Variants in CRACD observed in about 807,000 individuals in gnomAD.
The protein encoded by CRACD is capping protein-inhibiting regulator of actin dynamics.
A neutral mutation model predicts 106.8 loss-of-function variants in CRACD; 56 were observed. The ratio of observed to expected loss-of-function variants is 0.52; its 90% CI spans 0.42 to 0.66. The LOEUF (loss-of-function observed/expected upper bound fraction) is 0.66, where lower values mean the gene tolerates loss of function less well. Among genes scored for constraint, CRACD ranks in the 30% least tolerant of loss-of-function variants. The pLI is 0.00. For missense variants in CRACD, 1,730 were observed against 1,623.2 expected (o/e 1.07, Z -1.13); for synonymous variants, 754 against 670.8 (o/e 1.12, Z -1.92).
At chr4:56,300,668 T>G (rs538609331) in intron 4 of CRACD, among the ~76,000 whole-genome samples, 1 of 152,336 alleles carries the variant, frequency 6.6e-6, no homozygotes, top group Admixed American at 6.5e-5. Context: ...AAAACAGCTG[T>G]ATTTTATGAG....
At chr4:56,173,594 T>A (rs533888253) in intron 1 of CRACD, among the ~76,000 whole-genome samples, 9 of 152,214 alleles carry the variant, frequency 5.9e-5, no homozygotes, top group Non-Finnish European at 1.2e-4. Context: ...GAAAACCAGA[T>A]TTCAGACTTG....
intron 1 of CRACD, among the ~76,000 whole-genome samples, chr4:56,054,967 T>G (rs1482496653): frequency 6.6e-6 from 1 of 152,230 alleles, no homozygotes; most frequent in African/African-American, 2.4e-5. Context: ...CTTTTGAAAC[T>G]GGTACTGTAT....
chr4:56,311,409 G>A (rs1370742320), intron 6 of CRACD: 1 of 152,212 alleles, frequency 6.6e-6, no homozygotes, highest in Non-Finnish European at 1.5e-5. Context: ...AGCCAGCTGG[G>A]ATAGCTAGAA....
chr4:56,063,592 G>C (rs1273979361), intron 1 of CRACD, among the ~76,000 whole-genome samples: 1 of 152,038 alleles, frequency 6.6e-6, no homozygotes, highest in Non-Finnish European at 1.5e-5. Context: ...TTCAGTCTCT[G>C]TGAATTTGCC....
At chr4:56,060,392 CAG>C (rs1279125617) in intron 1 of CRACD, among the ~76,000 whole-genome samples, 5 of 151,914 alleles carry the variant, frequency 3.3e-5, no homozygotes, top group Non-Finnish European at 5.9e-5. Flanking sequence ...ATACTCGTAA[CAG>C]GGTAGAATAA....
intron 4 of CRACD, among the ~76,000 whole-genome samples, chr4:56,299,779 G>A (rs1285369381): frequency 4.6e-5 from 7 of 151,772 alleles, no homozygotes; most frequent in African/African-American, 1.7e-4. Context: ...AGAGGGCTCT[G>A]GTCTGCTGGC....
chr4:56,201,446 C>T (rs1196849764), intron 2 of CRACD, among the ~76,000 whole-genome samples: 2 of 152,134 alleles, frequency 1.3e-5, no homozygotes, highest in African/African-American at 4.8e-5. Flanking sequence ...TGATGCTCTT[C>T]CCTTAAACTG....
intron 2 of CRACD, among the ~76,000 whole-genome samples, chr4:56,203,992 G>T (rs1440697152): frequency 6.6e-6 from 1 of 152,244 alleles, no homozygotes; most frequent in African/African-American, 2.4e-5. Flanking sequence ...CTGGGCCCAT[G>T]ACTTGAAGCC....
At chr4:56,218,037 G>A (rs1293300079) in intron 2 of CRACD, among the ~76,000 whole-genome samples, 6 of 152,004 alleles carry the variant, frequency 3.9e-5, no homozygotes, top group South Asian at 4.1e-4. Context: ...GTGTCTTTAC[G>A]TTGTCTTTCT....
chr4:56,093,402 GCTT>G (rs1733493564), intron 1 of CRACD, among the ~76,000 whole-genome samples: 1 of 152,098 alleles, frequency 6.6e-6, no homozygotes, highest in African/African-American at 2.4e-5. Context: ...TTGCATTTTT[GCTT>G]CTTTTCTCTT....
At chr4:56,244,436 C>T (rs1312797683) in intron 2 of CRACD, among the ~76,000 whole-genome samples, 1 of 152,134 alleles carries the variant, frequency 6.6e-6, no homozygotes, top group African/African-American at 2.4e-5. Flanking sequence ...CAGTTTTAGA[C>T]ATACGGAGGT....
intron 1 of CRACD, among the ~76,000 whole-genome samples, chr4:56,153,592 A>AT (rs34193804): frequency 0.42 from 63,981 of 151,910 alleles, 13,934 homozygotes; most frequent in African/African-American, 0.52. Context: ...GTGTCCATGC[A>AT]CTTTTATCCA....
intron 3 of CRACD, among the ~76,000 whole-genome samples, chr4:56,296,234 A>T (rs2109715245): frequency 6.6e-6 from 1 of 152,162 alleles, no homozygotes. Flanking sequence ...TTCAATTTGG[A>T]TGTCTTTATA....
At chr4:56,105,525 C>G (rs563547755) in intron 1 of CRACD, among the ~76,000 whole-genome samples, 1 of 152,064 alleles carries the variant, frequency 6.6e-6, no homozygotes. Flanking sequence ...AATTTAGGGA[C>G]GTATCTTATG....
intron 2 of CRACD, among the ~76,000 whole-genome samples, chr4:56,209,311 T>G (rs1738284841): frequency 6.6e-6 from 1 of 152,142 alleles, no homozygotes; most frequent in Admixed American, 6.6e-5. Flanking sequence ...TTAACTAACT[T>G]CAAACTGGAC....
At chr4:56,308,364 C>T (rs1744893403) in intron 5 of CRACD, among the ~76,000 whole-genome samples, 1 of 151,748 alleles carries the variant, frequency 6.6e-6, no homozygotes, top group Admixed American at 6.6e-5. Context: ...AGAGTTCTTC[C>T]AAAGCAGCAG....
intron 2 of CRACD, among the ~76,000 whole-genome samples, chr4:56,239,402 CAAG>C (rs1345658402): frequency 6.6e-6 from 1 of 151,860 alleles, no homozygotes; most frequent in Non-Finnish European, 1.5e-5. Flanking sequence ...CTTGGGGAAA[CAAG>C]AAAGAGATTA....
intron 1 of CRACD, among the ~76,000 whole-genome samples, chr4:56,087,231 T>C (rs947958753): frequency 1.3e-5 from 2 of 152,196 alleles, no homozygotes; most frequent in Non-Finnish European, 2.9e-5. Flanking sequence ...CAGGCTGATC[T>C]TGGACTCCTG....
chr4:56,307,605 G>T lies in CRACD; in HGVS notation c.191G>T (p.Ser64Ile), dbSNP rs1430260358. 6.2e-7 allele frequency: 1 copy of T among 1,614,216 alleles called. No homozygotes were observed. The highest frequency in any genetic ancestry group is 8.5e-7 in the Non-Finnish European group (1 of 1,180,040). The change falls in exon 5 of 11, where the codon AGT becomes ATT. Residue 64 changes from serine to isoleucine, a missense_variant. Physicochemically the swap from Ser to Ile is moderately radical, Grantham distance 142. Around this residue, in one of 5 missense-constraint regions of CRACD, gnomAD observed 1,620 missense variants for 1,481.6 expected, o/e 1.09. Coordinates refer to ENST00000682029, the MANE Select transcript of CRACD (RefSeq NM_001393381.1). ...GCCATTCCCATGAATAAGGCAAACA[G>T]TGGAGAGGCTAGCTTAGAAGAGGAT... ...PNAIPMNKAN[S>I]GEASLEEDLF...
Sources: allele counts gnomAD v4.1 joint callset (sites outside exome capture counted in the v4.1 genomes callset), GRCh38; gene constraint gnomAD v4.1.1; regional missense constraint gnomAD v4.1.1; transcripts MANE v1.5; gene names NCBI Gene and HGNC (gene_info 2026-07-23, HGNC 2026-07-21).